The following TRHDE variants were observed in gnomAD, a reference collection of about 807,000 sequenced individuals.
TRHDE encodes thyrotropin-releasing hormone-degrading ectoenzyme.
Under a neutral mutation model 125.7 loss-of-function variants are expected in TRHDE, and 72 were observed. The observed-to-expected ratio is 0.57, with a 90% confidence interval of 0.47 to 0.70. The LOEUF (loss-of-function observed/expected upper bound fraction) is 0.70, where lower values mean the gene tolerates loss of function less well. Ranked by LOEUF, TRHDE falls within the 30% of genes least tolerant of loss-of-function variation. The probability of loss-of-function intolerance (pLI) is 0.00; values close to 1 mark genes in which losing one functional copy is unlikely to be tolerated. For missense variants in TRHDE, 1,110 were observed against 1,327.1 expected (o/e 0.84, Z 2.54); for synonymous variants, 509 against 509.1 (o/e 1.00, Z 0.00).
chr12:72,520,137 G>A (rs1879109858), intron 6 of TRHDE, among the ~76,000 whole-genome samples: 1 of 152,206 alleles, frequency 6.6e-6, no homozygotes, highest in African/African-American at 2.4e-5. Flanking sequence ...TACAGAGGCA[G>A]GCAGGCCTCC....
intron 7 of TRHDE, among the ~76,000 whole-genome samples, chr12:72,549,509 T>C (rs943096076): frequency 6.6e-6 from 1 of 151,796 alleles, no homozygotes; most frequent in Non-Finnish European, 1.5e-5. Context: ...TGTCTCCTAG[T>C]TTTGCTTAAA....
At chr12:72,431,244 T>C (rs1376336762) in intron 3 of TRHDE, among the ~76,000 whole-genome samples, 1 of 152,150 alleles carries the variant, frequency 6.6e-6, no homozygotes, top group African/African-American at 2.4e-5. Flanking sequence ...CATGAACTTG[T>C]GTGTAGGACA....
chr12:72,545,520 G>T (rs1428240819), intron 7 of TRHDE, among the ~76,000 whole-genome samples: 1 of 151,418 alleles, frequency 6.6e-6, no homozygotes, highest in Non-Finnish European at 1.5e-5. Context: ...TTTAATTTGG[G>T]ACAGCTGTTT....
chr12:72,273,166 C>CGGGAGCCGT lies in TRHDE; in HGVS notation c.535_543dup (p.Glu179_Trp181dup), dbSNP rs750485751. On this transcript the variant is annotated inframe_insertion, in exon 1 of 19. Coordinates refer to ENST00000261180, the MANE Select transcript of TRHDE (RefSeq NM_013381.3). This position sits in a 1 kb window ranked among gnomAD's most constrained non-coding sequence, Gnocchi z 5.3. ...GGCCCAGCCGCCGTCGGAGGAGGAGCGGGAGCCGTGGGAGCCGTGGACGCA... is the reference window on the plus strand; with the variant it reads ...GGCCCAGCCGCCGTCGGAGGAGGAGCGGGAGCCGTGGGAGCCGTGGGAGCCGTGGACGCA... 1.6e-4 allele frequency: 251 copies of CGGGAGCCGT among 1,584,902 alleles called. No homozygotes were observed. Among genetic ancestry groups the CGGGAGCCGT allele is most frequent in the Non-Finnish European group, 2.1e-4 (240 of 1,162,430 alleles).
upstream of TRHDE, among the ~76,000 whole-genome samples, chr12:72,269,306 G>C (rs116571343): frequency 9.3e-3 from 1,416 of 152,164 alleles, 23 homozygotes; most frequent in African/African-American, 0.033. Flanking sequence ...ACTTGATCTT[G>C]ATAGTAAGTT....
At chr12:72,311,113 G>A (rs1868521574) in intron 2 of TRHDE, among the ~76,000 whole-genome samples, 1 of 151,992 alleles carries the variant, frequency 6.6e-6, no homozygotes, top group African/African-American at 2.4e-5. Flanking sequence ...CCACAATCAA[G>A]ATATAGAACA....
intron 3 of TRHDE, among the ~76,000 whole-genome samples, chr12:72,444,408 T>A (rs1328667920): frequency 6.6e-6 from 1 of 151,862 alleles, no homozygotes; most frequent in Non-Finnish European, 1.5e-5. Context: ...AATGGTTTTA[T>A]CTGATATTTC....
chr12:72,618,223 G>C (rs913745162), intron 12 of TRHDE, among the ~76,000 whole-genome samples: 1 of 152,076 alleles, frequency 6.6e-6, no homozygotes, highest in South Asian at 2.1e-4. Flanking sequence ...GTACAATTTA[G>C]TATTTTCTAA....
intron 6 of TRHDE, among the ~76,000 whole-genome samples, chr12:72,530,749 A>G (rs530574067): frequency 7.9e-5 from 12 of 151,418 alleles, no homozygotes; most frequent in African/African-American, 2.9e-4. Flanking sequence ...TTATTAAAGA[A>G]ATCTTTCCTG....
chr12:72,362,939 C>A (rs1871170555), intron 2 of TRHDE, among the ~76,000 whole-genome samples: 1 of 152,012 alleles, frequency 6.6e-6, no homozygotes, highest in South Asian at 2.1e-4. Flanking sequence ...TGTTTTGGTA[C>A]CAGTACCATG....
intron 3 of TRHDE, among the ~76,000 whole-genome samples, chr12:72,444,745 G>A (rs1277392243): frequency 6.6e-6 from 1 of 151,796 alleles, no homozygotes; most frequent in African/African-American, 2.4e-5. Flanking sequence ...AGTGAAGCTG[G>A]AGAGCGAGCC....
At chr12:72,231,248 T>C (rs1310617586) in intron 2 of TRHDE, among the ~76,000 whole-genome samples, 1 of 152,180 alleles carries the variant, frequency 6.6e-6, no homozygotes, top group Non-Finnish European at 1.5e-5. Context: ...CCCTAGTCAC[T>C]GAGACAACTG....
chr12:72,378,479 G>A (rs927656155), intron 3 of TRHDE, among the ~76,000 whole-genome samples: 2 of 152,084 alleles, frequency 1.3e-5, no homozygotes, highest in Non-Finnish European at 2.9e-5. Context: ...TCCACATAAG[G>A]GAGTTGAGAC....
intron 2 of TRHDE, among the ~76,000 whole-genome samples, chr12:72,207,397 T>C (rs552014132): frequency 7.9e-5 from 12 of 152,266 alleles, no homozygotes; most frequent in African/African-American, 2.2e-4. Context: ...AGGACTTGAA[T>C]TGAACCTTGT....
intron 2 of TRHDE, among the ~76,000 whole-genome samples, chr12:72,366,168 T>A (rs1167502267): frequency 6.6e-6 from 1 of 152,132 alleles, no homozygotes; most frequent in Admixed American, 6.6e-5. Flanking sequence ...CTTAATTTAA[T>A]CACACCTGCA....
At chr12:72,435,201 G>A (rs1443272925) in intron 3 of TRHDE, among the ~76,000 whole-genome samples, 3 of 152,160 alleles carry the variant, frequency 2.0e-5, no homozygotes, top group Non-Finnish European at 4.4e-5. Context: ...GAATTAAAAA[G>A]AAATTCTGCA....
chr12:72,395,542 C>T (rs1872754879), intron 3 of TRHDE, among the ~76,000 whole-genome samples: 1 of 152,134 alleles, frequency 6.6e-6, no homozygotes, highest in Non-Finnish European at 1.5e-5. Flanking sequence ...ACTAATCCTA[C>T]ATATTTTCAG....
Position 72,272,749 on chromosome 12 carries a change from G to A in TRHDE, c.106G>A (p.Glu36Lys), listed in dbSNP as rs915934422. 2.6e-6 allele frequency: 4 copies of A among 1,517,480 alleles called. No homozygotes were observed. Among genetic ancestry groups the A allele is most frequent in the East Asian group, 4.8e-5 (2 of 41,930 alleles). The allele number at this position is 1,517,480 out of a possible 1,614,324, so 94.0% of individuals were successfully genotyped here. ...GGAGGAGGAGGAGGAGGAGGGGGCC[G>A]AGAAGAGCAGCTCACCCTTCGCAGC... is the stretch of plus-strand genomic sequence containing the variant. The part of the protein sequence containing the change: ...KEEEEEEEGA[E>K]KSSSPFAAAM... The change falls in exon 1 of 19, where the codon GAG (glutamate) becomes AAG (lysine). Residue 36 changes from glutamate to lysine, a missense_variant. Physicochemically the swap from Glu to Lys is moderately conservative, Grantham distance 56. Transcript: ENST00000261180. The surrounding 1 kb of genome is among the most constrained non-coding windows in gnomAD (Gnocchi z 6.7).
chr12:72,318,026 G>A (rs1422856060), intron 2 of TRHDE, among the ~76,000 whole-genome samples: 1 of 152,170 alleles, frequency 6.6e-6, no homozygotes, highest in Non-Finnish European at 1.5e-5. Flanking sequence ...CTCATTATAA[G>A]AGAATTATGA....
Sources: allele counts gnomAD v4.1 joint callset (sites outside exome capture counted in the v4.1 genomes callset), GRCh38; gene constraint gnomAD v4.1.1; non-coding constraint Gnocchi (gnomAD v3.1); transcripts MANE v1.5; gene names NCBI Gene and HGNC (gene_info 2026-07-23, HGNC 2026-07-21).